FOXP1: variants seen among roughly 807,000 people sequenced by gnomAD.
FOXP1 encodes forkhead box protein P1.
A neutral mutation model predicts 98.2 loss-of-function variants in FOXP1; 15 were observed. The observed-to-expected ratio is 0.15, with a 90% confidence interval of 0.10 to 0.24. The LOEUF is 0.24. FOXP1 is among the 10% of genes least tolerant of loss of function. The probability of loss-of-function intolerance (pLI) is 1.00; values close to 1 mark genes in which losing one functional copy is unlikely to be tolerated. For synonymous variants in FOXP1, 371 were observed against 314.5 expected (o/e 1.18, Z -1.90); for missense variants, 633 against 848.5 (o/e 0.75, Z 3.15).
At position 71,411,326 on chromosome 3, in the gene FOXP1, TGTGTGA is replaced by T. The variant is rs1334035621; in HGVS notation, c.-167-52088_-167-52083del. Among the ~76,000 whole-genome samples, 162 of 142,534 alleles carry T rather than the reference TGTGTGA, an allele frequency of 1.1e-3. 1 individual carries two copies. The highest frequency in any genetic ancestry group is 4.7e-3 in the African/African-American group (155 of 32,996). The allele number at this position is 142,534 out of a possible 152,430, so 93.5% of individuals were successfully genotyped here. A position where few individuals can be genotyped will look rare whatever the true frequency, so the allele number is the denominator to read the frequency against. The stretch of plus-strand genomic sequence containing the variant: ...GTGTGTGTGTGTGTGTGTATGTGTG[TGTGTGA>T]GTGACGGAGTCTTGCTCTGTCACCC... On this transcript the variant is annotated intron_variant, in intron 3 of 20. Coordinates refer to ENST00000649528, the MANE Select transcript of FOXP1 (RefSeq NM_001349338.3).
Position 70,983,661 on chromosome 3 carries a change from T to C in FOXP1, c.1146+4333A>G, listed in dbSNP as rs528437620. On this transcript the variant is annotated intron_variant, in intron 14 of 20. Transcript: ENST00000649528. ...CCCACCAAATCTAAAAGAATGTGGT[T>C]TCTCCAGGAGCAGAAGTTGTTCTCT... Among the ~76,000 whole-genome samples, 15 of 152,312 alleles carry C rather than the reference T, an allele frequency of 9.8e-5. No homozygotes were observed. The South Asian group carries it at 1.0e-3, about 11-fold the overall frequency.
intron 5 of FOXP1, among the ~76,000 whole-genome samples, chr3:71,293,496 T>C (rs1396993773): frequency 1.1e-4 from 16 of 149,800 alleles, no homozygotes; most frequent in African/African-American, 3.4e-4. Flanking sequence ...AAAAAAAAGA[T>C]AGATAAAACC....
At chr3:71,426,425 T>C (rs946011253) in intron 3 of FOXP1, among the ~76,000 whole-genome samples, 1 of 152,140 alleles carries the variant, frequency 6.6e-6, no homozygotes, top group Non-Finnish European at 1.5e-5. Context: ...TCAAAAGATT[T>C]AGTATTAGGC....
intron 2 of FOXP1, among the ~76,000 whole-genome samples, chr3:71,533,899 C>T (rs1250559174): frequency 1.3e-5 from 2 of 152,004 alleles, no homozygotes; most frequent in African/African-American, 4.8e-5. Flanking sequence ...GATTGTAACC[C>T]AAAATGAATA....
intron 6 of FOXP1, among the ~76,000 whole-genome samples, chr3:71,177,650 T>C (rs534643516): frequency 2.0e-5 from 3 of 152,232 alleles, no homozygotes; most frequent in African/African-American, 7.2e-5. Flanking sequence ...TTTCTTCCTG[T>C]GTAGAACAAG....
At chr3:71,045,741 G>A (rs2048939505) in intron 10 of FOXP1, among the ~76,000 whole-genome samples, 1 of 152,148 alleles carries the variant, frequency 6.6e-6, no homozygotes, top group African/African-American at 2.4e-5. Context: ...GACAGAAGTT[G>A]GGTGTGGTGG....
rs146988167 is a variant in FOXP1, at chr3:71,169,497, T to C, written c.180+28705A>G. Reference sequence around the variant, plus strand: ...ACCAGTTACTTACATTCTAGCCTCATGTTCCTTTAGTAAAATGCAGAGCAT... The same window carrying C: ...ACCAGTTACTTACATTCTAGCCTCACGTTCCTTTAGTAAAATGCAGAGCAT... On this transcript the variant is annotated intron_variant, in intron 6 of 20. Transcript: ENST00000649528. 2.3e-3 allele frequency among the ~76,000 whole-genome samples: 344 copies of C among 152,332 alleles called. 4 individuals carry two copies. Among genetic ancestry groups the C allele is most frequent in the African/African-American group, 7.9e-3 (330 of 41,582 alleles).
intron 3 of FOXP1, among the ~76,000 whole-genome samples, chr3:71,410,401 TTA>T (rs1443370473): frequency 6.6e-6 from 1 of 152,230 alleles, no homozygotes; most frequent in Non-Finnish European, 1.5e-5. Context: ...AGGTGGATTA[TTA>T]TCTTTGTTTC....
chr3:71,210,165 C>T (rs1167469167), intron 5 of FOXP1, among the ~76,000 whole-genome samples: 1 of 152,140 alleles, frequency 6.6e-6, no homozygotes. Flanking sequence ...TTGGTCTGCC[C>T]CAACCCCCAC....
intron 3 of FOXP1, among the ~76,000 whole-genome samples, chr3:71,446,541 A>T (rs2086463094): frequency 3.0e-5 from 3 of 99,266 alleles, no homozygotes; most frequent in Non-Finnish European, 8.3e-5. Flanking sequence ...CTGCTGCCAC[A>T]CACTGAAAAA....
chr3:70,996,130 G>T (rs1239661892), intron 13 of FOXP1, among the ~76,000 whole-genome samples: 1 of 152,140 alleles, frequency 6.6e-6, no homozygotes, highest in Non-Finnish European at 1.5e-5. Context: ...GGGATTACAG[G>T]CATGTATCAC....
At chr3:71,528,608 G>A (rs1400433401) in intron 2 of FOXP1, among the ~76,000 whole-genome samples, 3 of 152,206 alleles carry the variant, frequency 2.0e-5, no homozygotes, top group East Asian at 3.8e-4. Flanking sequence ...TAGTGATGCG[G>A]AGTCATTTAC....
intron 4 of FOXP1, among the ~76,000 whole-genome samples, chr3:71,308,809 GTGA>G (rs2074487213): frequency 7.2e-6 from 1 of 139,614 alleles, no homozygotes; most frequent in African/African-American, 2.6e-5. Flanking sequence ...GTGTGTGTGG[GTGA>G]GGGGGGACAG....
At chr3:71,511,623 C>T (rs2042211198) in intron 2 of FOXP1, among the ~76,000 whole-genome samples, 1 of 152,158 alleles carries the variant, frequency 6.6e-6, no homozygotes, top group African/African-American at 2.4e-5. Flanking sequence ...CAATTGGTGG[C>T]CCTGTATGAA....
chr3:71,343,837 T>C (rs2077160782), intron 4 of FOXP1, among the ~76,000 whole-genome samples: 1 of 152,180 alleles, frequency 6.6e-6, no homozygotes. Context: ...GGCGTTCAAT[T>C]AGATTTTCTG....
Position 71,064,566 on chromosome 3 carries a change from G to A in FOXP1, c.283-10793C>T, listed in dbSNP as rs1332417065. On this transcript the variant is annotated intron_variant, in intron 7 of 20. Coordinates refer to ENST00000649528, the MANE Select transcript of FOXP1 (RefSeq NM_001349338.3). ...GAGTGTGAGCCAAAGAGCAAGGGGG[G>A]TGGGGGGGTATCTCTCTCCAGGACC... Among the ~76,000 whole-genome samples, 56 of 152,032 alleles carry A rather than the reference G, an allele frequency of 3.7e-4. 1 individual carries two copies. The highest frequency in any genetic ancestry group is 5.9e-5 in the Non-Finnish European group (4 of 67,958).
At chr3:71,117,248 C>T (rs953321872) in intron 6 of FOXP1, among the ~76,000 whole-genome samples, 3 of 151,858 alleles carry the variant, frequency 2.0e-5, no homozygotes, top group African/African-American at 7.3e-5. Flanking sequence ...CCACCACATC[C>T]AACTAATTTT....
At chr3:71,450,339 G>A (rs537025412) in intron 3 of FOXP1, among the ~76,000 whole-genome samples, 40 of 152,300 alleles carry the variant, frequency 2.6e-4, no homozygotes, top group African/African-American at 9.4e-4. Flanking sequence ...GATAAGGAAT[G>A]GGACGACAAT....
intron 2 of FOXP1, among the ~76,000 whole-genome samples, chr3:71,560,643 G>A (rs952405894): frequency 2.6e-5 from 4 of 152,118 alleles, no homozygotes; most frequent in African/African-American, 9.7e-5. Flanking sequence ...AGCCAAAAGT[G>A]GAAATAAGCC....
Sources: gnomAD v4.1 joint callset for allele counts (sites outside exome capture counted in the v4.1 genomes callset) on GRCh38, gnomAD v4.1.1 for gene constraint, MANE v1.5 for transcripts, NCBI Gene and HGNC (gene_info 2026-07-23, HGNC 2026-07-21) for gene names.